Variants in P4HA3 observed in about 807,000 individuals in gnomAD.
P4HA3 encodes prolyl 4-hydroxylase subunit alpha-3.
In P4HA3, 60 loss-of-function variants were observed where a neutral mutation model predicts 66.7. The ratio of observed to expected loss-of-function variants is 0.90; its 90% CI spans 0.73 to 1.12. The LOEUF (loss-of-function observed/expected upper bound fraction) is 1.12. Ranked by LOEUF, P4HA3 falls within the 50% of genes most tolerant of loss-of-function variation. The probability of loss-of-function intolerance (pLI) is 0.00; values close to 1 mark genes in which losing one functional copy is unlikely to be tolerated. For synonymous variants in P4HA3, 263 were observed against 274.6 expected (o/e 0.96, Z 0.42); for missense variants, 683 against 685.8 (o/e 1.00, Z 0.05).
In P4HA3 at chr11:74,310,649, C is replaced by T. The variant is rs117520680; in HGVS notation, c.200+763G>A. Among the ~76,000 whole-genome samples the T allele has an allele frequency of 7.5e-3, 1,149 of 152,314 alleles. 7 individuals are homozygous for T. The highest frequency in any genetic ancestry group is 0.012 in the Non-Finnish European group (794 of 68,018). ...ACCATTTTATCCCCACTGCCTGGAA[C>T]ACTGCCTGGCTCTTAGTAGGCACTC... On this transcript the variant is annotated intron_variant, in intron 1 of 12. Coordinates refer to ENST00000331597, the MANE Select transcript of P4HA3 (RefSeq NM_182904.5).
intron 10 of P4HA3, among the ~76,000 whole-genome samples, chr11:74,272,248 T>C (rs544969798): frequency 3.7e-4 from 55 of 147,850 alleles, no homozygotes; most frequent in African/African-American, 1.3e-3. Context: ...ACACATGCAT[T>C]TGCCATTTAA....
At chr11:74,275,951 T>C (rs917949153) in intron 9 of P4HA3, among the ~76,000 whole-genome samples, 1 of 152,196 alleles carries the variant, frequency 6.6e-6, no homozygotes, top group African/African-American at 2.4e-5. Flanking sequence ...TATATATACA[T>C]AACAGAATAC....
intron 4 of P4HA3, among the ~76,000 whole-genome samples, chr11:74,290,741 G>C (rs1264428830): frequency 2.0e-5 from 3 of 152,226 alleles, no homozygotes; most frequent in Non-Finnish European, 4.4e-5. Context: ...GTTTGTGAAA[G>C]ATCAGATAGT....
rs1860280373 is a variant in P4HA3, at chr11:74,273,565, C to G, written c.1378G>C (p.Val460Leu). 6.4e-7 allele frequency: 1 copy of G among 1,560,488 alleles called. No individual in the cohort carries two copies. The highest frequency in any genetic ancestry group is 2.4e-5 in the East Asian group (1 of 41,728). The change falls in exon 10 of 13, where the codon GTT becomes CTT. Residue 460 changes from valine (V) to leucine (L), a missense_variant. Transcript: ENST00000331597. ...CTCACATAGATCATAAATGTTGCAA[C>G]TCGGTTTCCTGACTTCATTCTGTAG... ...PLYRMKSGNRVATFMIYLSSV... is the reference protein window; with the variant it reads ...PLYRMKSGNRLATFMIYLSSV...
chr11:74,281,920 A>T lies in P4HA3; in HGVS notation c.1111-2468T>A, dbSNP rs202135546. Among the ~76,000 whole-genome samples the T allele has an allele frequency of 2.4e-3, 336 of 140,692 alleles. 2 individuals are homozygous for T. The highest frequency in any genetic ancestry group is 8.3e-3 in the African/African-American group (317 of 38,100). 92.3% of individuals were successfully genotyped at this position (140,692 alleles called of 152,430 possible). On this transcript the variant is annotated intron_variant, in intron 7 of 12. Coordinates refer to ENST00000331597, the MANE Select transcript of P4HA3 (RefSeq NM_182904.5). ...TAATAAAAGTTTGGGACAAAAAAATAAAAAATAAATAAAATGCAGCTTATG... is the reference window on the plus strand; with the variant it reads ...TAATAAAAGTTTGGGACAAAAAAATTAAAAATAAATAAAATGCAGCTTATG...
rs201794242 is a variant in P4HA3, at chr11:74,285,851, A to G, written c.1068T>C (p.Ser356=). 7.4e-6 allele frequency: 12 copies of G among 1,614,102 alleles called. No homozygotes were observed. The East Asian group carries it at 2.0e-4, about 27-fold the overall frequency. ...CTCTAATTTTCTGAGCCTCTGAGTC[A>G]CTGACGAAGTCATGGTAGAGAGCAA... ...PYIALYHDFV[S]DSEAQKIREL... is the part of the protein sequence containing the mutation. The change falls in exon 7 of 13, where the codon AGT becomes AGC. Residue 356 remains serine, a synonymous_variant. Transcript: ENST00000331597.
At chr11:74,303,157 G>A (rs918291147) in intron 2 of P4HA3, among the ~76,000 whole-genome samples, 1 of 151,980 alleles carries the variant, frequency 6.6e-6, no homozygotes, top group Non-Finnish European at 1.5e-5. Flanking sequence ...GTCTTGCTAT[G>A]TTGCCCAGGC....
In P4HA3 at chr11:74,286,398, G is replaced by A; in HGVS notation, c.770-7C>T. ...ATCCTCTTATTATCTGGGCCTGGAA[G>A]AAATCAGAGCAGGGAATATAAAATA... On this transcript the variant is annotated splice_polypyrimidine_tract_variant and splice_region_variant and intron_variant, in intron 5 of 12. Transcript: ENST00000331597. 1.3e-6 allele frequency: 2 copies of A among 1,529,800 alleles called. No homozygotes were observed. Among genetic ancestry groups the A allele is most frequent in the South Asian group, 2.6e-5 (2 of 76,950 alleles). The allele number at this position is 1,529,800 out of a possible 1,614,324, so 94.8% of individuals were successfully genotyped here. A position where few individuals can be genotyped will look rare whatever the true frequency, so the allele number is the denominator to read the frequency against.
At chr11:74,264,862 C>T (rs190219637), downstream of P4HA3, among the ~76,000 whole-genome samples, 6 of 152,220 alleles carry the variant, frequency 3.9e-5, no homozygotes, top group Admixed American at 2.6e-4. Context: ...CCAGGGCCTG[C>T]GCCTGAGGAT....
In P4HA3 at chr11:74,267,054, G is replaced by A; in HGVS notation, c.*194C>T. The A allele has an allele frequency of 3.9e-6, 6 of 1,536,428 alleles. No individual in the cohort carries two copies. Among genetic ancestry groups the A allele is most frequent in the Non-Finnish European group, 5.2e-6 (6 of 1,146,660 alleles). ...CATCCTACTCTGACTTCCGTGGCTG[G>A]GGCAGATCAAATGTACATTCTCAGT... On this transcript the variant is annotated 3_prime_UTR_variant, in exon 13 of 13. Transcript: ENST00000331597.
At chr11:74,283,550 C>T (rs1860680228) in intron 7 of P4HA3, among the ~76,000 whole-genome samples, 1 of 152,208 alleles carries the variant, frequency 6.6e-6, no homozygotes, top group South Asian at 2.1e-4. Flanking sequence ...AACTGTCCAA[C>T]AGCTCTCCTG....
chr11:74,286,255 C>T lies in P4HA3; in HGVS notation c.906G>A (p.Glu302=), dbSNP rs369752905. ...IPHLQTRDTY[E]GLCQTLGSQP... is the part of the protein sequence containing the mutation. ...GGGAACCCAGGGTCTGACATAGCCC[C>T]TCGTAGGTGTCTCTGGTCTGCAGGT... Residue 302 remains glutamate, a synonymous_variant, in exon 6 of 13, where the codon GAG becomes GAA. Transcript: ENST00000331597. 4 of 1,613,018 alleles carry T rather than the reference C, an allele frequency of 2.5e-6. No individual in the cohort carries two copies. Among genetic ancestry groups the T allele is most frequent in the Non-Finnish European group, 3.4e-6 (4 of 1,179,740 alleles).
At chr11:74,267,453 G>T in intron 12 of P4HA3, 135 bp from the exon 13 acceptor site, 2 of 1,088,042 alleles carry the variant, frequency 1.8e-6, no homozygotes, top group Non-Finnish European at 2.6e-6. Flanking sequence ...CACTTGCCCA[G>T]CCTAGTCCTG....
chr11:74,256,045 C>T (rs1329521832), intron 15 of P4HA3: 2 of 469,816 alleles, frequency 4.3e-6, no homozygotes, highest in East Asian at 1.2e-4. Flanking sequence ...TCATCTAATT[C>T]ACTTGACACA....
At chr11:74,287,720 T>C (rs2134770503) in intron 5 of P4HA3, among the ~76,000 whole-genome samples, 1 of 152,348 alleles carries the variant, frequency 6.6e-6, no homozygotes, top group South Asian at 2.1e-4. Context: ...AGTGATTTTG[T>C]ATCTCATTGT....
chr11:74,267,284 T>C lies in P4HA3; in HGVS notation c.1599A>G (p.Glu533=). ...ANKWIHEYGQ[E]FRRPCSSSPE... ...GGCTGGAGCTGCAGGGTCTGCGGAA[T>C]TCCTGTCCATACTCATGTATCCACT... Residue 533 remains glutamate (E), a synonymous_variant, in exon 13 of 13, where the codon GAA becomes GAG. Transcript: ENST00000331597. The C allele has an allele frequency of 6.2e-7, 1 of 1,614,236 alleles. No individual in the cohort carries two copies. The highest frequency in any genetic ancestry group is 8.5e-7 in the Non-Finnish European group (1 of 1,180,034).
chr11:74,309,055 G>T (rs756944489), intron 1 of P4HA3, among the ~76,000 whole-genome samples: 2 of 152,180 alleles, frequency 1.3e-5, no homozygotes, highest in Non-Finnish European at 2.9e-5. Flanking sequence ...TTAGTTAGGG[G>T]CTTGGTCTAT....
At chr11:74,278,787 C>T (rs887678075) in intron 8 of P4HA3, among the ~76,000 whole-genome samples, 1 of 152,314 alleles carries the variant, frequency 6.6e-6, no homozygotes, top group East Asian at 1.9e-4. Flanking sequence ...CACTCACCTC[C>T]CTTCCCAGAC....
chr11:74,263,082 T>C (rs1280647075), downstream of P4HA3, among the ~76,000 whole-genome samples: 1 of 152,222 alleles, frequency 6.6e-6, no homozygotes, highest in Non-Finnish European at 1.5e-5. Flanking sequence ...CTACCCTCTC[T>C]CCAAGCTCCC....
Sources: allele counts gnomAD v4.1 joint callset (sites outside exome capture counted in the v4.1 genomes callset), GRCh38; gene constraint gnomAD v4.1.1; transcripts MANE v1.5; gene names NCBI Gene and HGNC (gene_info 2026-07-23, HGNC 2026-07-21).